The following ZNF438 variants were observed in gnomAD, a reference collection of about 807,000 sequenced individuals.
ZNF438 encodes zinc finger protein 438.
A neutral mutation model predicts 38.0 loss-of-function variants in ZNF438; 25 were observed. The ratio of observed to expected loss-of-function variants is 0.66; its 90% CI spans 0.48 to 0.92. ZNF438 has a LOEUF of 0.92. ZNF438 is among the 40% of genes least tolerant of loss of function. The probability of loss-of-function intolerance (pLI) is 0.00; values close to 1 mark genes in which losing one functional copy is unlikely to be tolerated. For missense variants in ZNF438, 1,007 were observed against 999.6 expected (o/e 1.01, Z -0.10); for synonymous variants, 372 against 364.1 (o/e 1.02, Z -0.25).
intron 1 of ZNF438, among the ~76,000 whole-genome samples, chr10:30,956,855 C>A (rs1431837042): frequency 6.6e-6 from 1 of 152,114 alleles, no homozygotes; most frequent in African/African-American, 2.4e-5. Flanking sequence ...CATAGGAGGG[C>A]AGGTATCTCT....
At chr10:30,932,635 T>C (rs2045821008) in intron 2 of ZNF438, among the ~76,000 whole-genome samples, 1 of 152,148 alleles carries the variant, frequency 6.6e-6, no homozygotes, top group South Asian at 2.1e-4. Context: ...CCCTTAACCA[T>C]TACTCTGCAC....
intron 1 of ZNF438, among the ~76,000 whole-genome samples, chr10:30,977,236 T>C (rs1261373126): frequency 6.6e-6 from 1 of 152,230 alleles, no homozygotes; most frequent in East Asian, 1.9e-4. Flanking sequence ...ATAGACAATA[T>C]AGCAAACAGT....
intron 1 of ZNF438, among the ~76,000 whole-genome samples, chr10:30,971,364 T>C (rs1190138850): frequency 6.6e-6 from 1 of 152,138 alleles, no homozygotes; most frequent in Non-Finnish European, 1.5e-5. Flanking sequence ...CAATCAACAT[T>C]CTGTGTTTAA....
exon 5 of ZNF438, chr10:30,848,943 A>G (rs2032961895): frequency 6.2e-7 from 1 of 1,613,934 alleles, no homozygotes; most frequent in Non-Finnish European, 8.5e-7. Flanking sequence ...GGCTTAGGGG[A>G]AGAGCTGTTG....
intron 3 of ZNF438, among the ~76,000 whole-genome samples, chr10:30,908,500 T>G (rs1465675910): frequency 6.6e-6 from 1 of 152,218 alleles, no homozygotes; most frequent in Non-Finnish European, 1.5e-5. Context: ...GTAGGAGGTA[T>G]GCACAGTAAG....
chr10:30,914,685 T>G (rs1035071279), intron 2 of ZNF438, among the ~76,000 whole-genome samples: 5 of 152,048 alleles, frequency 3.3e-5, no homozygotes, highest in African/African-American at 1.2e-4. Flanking sequence ...TTATATATAC[T>G]CGACTACAGA....
intron 1 of ZNF438, among the ~76,000 whole-genome samples, chr10:30,989,830 C>T (rs1053971317): frequency 6.6e-6 from 1 of 151,988 alleles, no homozygotes; most frequent in African/African-American, 2.4e-5. Context: ...ATCATCTCCA[C>T]CATAGTCTCA....
intron 1 of ZNF438, among the ~76,000 whole-genome samples, chr10:31,016,405 A>T (rs979937134): frequency 6.6e-6 from 1 of 152,248 alleles, no homozygotes; most frequent in African/African-American, 2.4e-5. Flanking sequence ...TCCTGCTTAT[A>T]TCATTACCAT....
intron 2 of ZNF438, among the ~76,000 whole-genome samples, chr10:30,917,564 C>G (rs2043794983): frequency 6.6e-6 from 1 of 152,168 alleles, no homozygotes; most frequent in South Asian, 2.1e-4. Flanking sequence ...TGACGCTGAT[C>G]ACATGCTTAC....
intron 3 of ZNF438, among the ~76,000 whole-genome samples, chr10:30,904,587 C>A (rs1025522357): frequency 8.5e-5 from 13 of 152,180 alleles, no homozygotes; most frequent in African/African-American, 4.8e-5. Context: ...TCACCCCAGA[C>A]TGAAAACCTT....
intron 4 of ZNF438, among the ~76,000 whole-genome samples, chr10:30,852,371 G>A (rs1272411074): frequency 6.6e-6 from 1 of 151,924 alleles, no homozygotes; most frequent in Non-Finnish European, 1.5e-5. Flanking sequence ...ACCACACCCA[G>A]CTAATTTTGT....
intron 2 of ZNF438, among the ~76,000 whole-genome samples, chr10:30,937,930 TCTC>T (rs1301532645): frequency 6.6e-6 from 1 of 152,178 alleles, no homozygotes; most frequent in Non-Finnish European, 1.5e-5. Context: ...CATTCATGGT[TCTC>T]CTAAATTTGG....
At chr10:30,938,243 C>T (rs767753490) in intron 2 of ZNF438, among the ~76,000 whole-genome samples, 2 of 151,618 alleles carry the variant, frequency 1.3e-5, no homozygotes, top group East Asian at 1.9e-4. Flanking sequence ...TCTATTCATG[C>T]GGTTAATCCA....
intron 1 of ZNF438, among the ~76,000 whole-genome samples, chr10:30,977,834 C>A (rs1418603690): frequency 1.3e-5 from 2 of 151,704 alleles, no homozygotes; most frequent in Admixed American, 6.6e-5. Flanking sequence ...AATACAAAAA[C>A]TAGCCGGGCA....
chr10:30,949,840 A>C (rs1394787914), intron 1 of ZNF438, among the ~76,000 whole-genome samples: 1 of 152,050 alleles, frequency 6.6e-6, no homozygotes, highest in Non-Finnish European at 1.5e-5. Flanking sequence ...CAGATCAACG[A>C]GACAGAAAGT....
exon 6 of ZNF438, chr10:30,845,286 T>A (rs537918883): frequency 6.2e-7 from 1 of 1,614,144 alleles, no homozygotes; most frequent in Non-Finnish European, 8.5e-7. Context: ...TGGACATGCA[T>A]GTGATTCCTC....
chr10:31,012,188 T>C (rs1048696371), intron 1 of ZNF438, among the ~76,000 whole-genome samples: 1 of 151,422 alleles, frequency 6.6e-6, no homozygotes, highest in African/African-American at 2.4e-5. Context: ...AGTGGCATGA[T>C]CTTGGCTCCA....
At chr10:30,955,210 A>C (rs1589409072) in intron 1 of ZNF438, among the ~76,000 whole-genome samples, 1 of 152,224 alleles carries the variant, frequency 6.6e-6, no homozygotes, top group Non-Finnish European at 1.5e-5. Flanking sequence ...GAGTTGGAAA[A>C]TAATTTTGGG....
chr10:30,994,467 T>A (rs1223472998), intron 1 of ZNF438, among the ~76,000 whole-genome samples: 1 of 152,152 alleles, frequency 6.6e-6, no homozygotes, highest in Non-Finnish European at 1.5e-5. Flanking sequence ...CAAGAGTGCA[T>A]CTGTTTATAA....
Sources: allele counts gnomAD v4.1 joint callset (sites outside exome capture counted in the v4.1 genomes callset), GRCh38; gene constraint gnomAD v4.1.1; transcripts MANE v1.5; gene names NCBI Gene and HGNC (gene_info 2026-07-23, HGNC 2026-07-21).